The following SNAP47 variants were observed in gnomAD, a reference collection of about 807,000 sequenced individuals.
The protein encoded by SNAP47 is synaptosome associated protein 47.
Under a neutral mutation model 31.4 loss-of-function variants are expected in SNAP47, and 20 were observed. The observed-to-expected ratio is 0.64, with a 90% CI of 0.45 to 0.93. The LOEUF is 0.93. Ranked by LOEUF, SNAP47 falls within the 40% of genes least tolerant of loss-of-function variation. The pLI is 0.00. For synonymous variants in SNAP47, 194 were observed against 213.4 expected (o/e 0.91, Z 0.79); for missense variants, 492 against 528.5 (o/e 0.93, Z 0.68).
intron 1 of SNAP47, chr1:227,736,291 G>A (rs41270167): frequency 0.084 from 12,769 of 152,326 alleles, 648 homozygotes; most frequent in Middle Eastern, 0.21. Flanking sequence ...TGAAGGTGTG[G>A]TGGGAGTGTG....
chr1:227,747,237 A>C (rs1662023386), intron 1 of SNAP47: 2 of 156,226 alleles, frequency 1.3e-5, no homozygotes, highest in African/African-American at 2.4e-5. Context: ...TCTAGAGGGA[A>C]CATTATGGCC....
At chr1:227,735,983 A>G (rs1366520072) in intron 1 of SNAP47, among the ~76,000 whole-genome samples, 1 of 148,916 alleles carries the variant, frequency 6.7e-6, no homozygotes, top group Non-Finnish European at 1.5e-5. Flanking sequence ...GGACGGTGGC[A>G]CTTGGAGGAG....
At chr1:227,755,864 C>T (rs1383928712) in intron 2 of SNAP47, among the ~76,000 whole-genome samples, 3 of 144,526 alleles carry the variant, frequency 2.1e-5, no homozygotes, top group Non-Finnish European at 4.6e-5. Flanking sequence ...GGAGGAGAAC[C>T]TGGGCCACTG....
chr1:227,734,741 C>CT (rs773608082), upstream of SNAP47: 1 of 1,614,200 alleles, frequency 6.2e-7, no homozygotes, highest in East Asian at 2.2e-5. Context: ...GATGTAGTCT[C>CT]TGAGAGTCAT....
intron 1 of SNAP47, chr1:227,735,844 TGGAGACGGGATCTGGAGGGGAC>T (rs1364776346): frequency 2.0e-6 from 1 of 508,812 alleles, no homozygotes; most frequent in Non-Finnish European, 2.5e-6. Flanking sequence ...TTGGAGGGGA[TGGAGACGGGATCTGGAGGGGAC>T]GGTGGGACCT....
At chr1:227,732,169 C>A (rs1396378350), upstream of SNAP47, 3 of 600,482 alleles carry the variant, frequency 5.0e-6, no homozygotes, top group Non-Finnish European at 3.0e-6. Flanking sequence ...GAGCTCCCAG[C>A]AGGCCTGCTG....
intron 4 of SNAP47, chr1:227,768,353 C>T: frequency 3.0e-6 from 3 of 985,358 alleles, no homozygotes; most frequent in Non-Finnish European, 3.6e-6. Context: ...CCCTGAGCCT[C>T]TGAGTCGGCA....
chr1:227,766,369 G>T (rs1663402510), intron 3 of SNAP47, among the ~76,000 whole-genome samples: 1 of 152,260 alleles, frequency 6.6e-6, no homozygotes, highest in African/African-American at 2.4e-5. Context: ...GGTGGCCTCT[G>T]CAGGAGGCAC....
In SNAP47 at chr1:227,747,832, G is replaced by T. The variant is rs749376866; in HGVS notation, c.96G>T (p.Leu32=). ...CTGGACAGCTGTCCTTAACATCGCT[G>T]TCGCTCAGGTTCATGACTGACAGCA... ...WVTGQLSLTS[L]SLRFMTDSTG... The change falls in exon 2 of 5, where the codon CTG becomes CTT. Residue 32 remains leucine, a synonymous_variant. Transcript: ENST00000617596. 6.2e-7 allele frequency: 1 copy of T among 1,614,162 alleles called. No homozygotes were observed. Among genetic ancestry groups the T allele is most frequent in the Non-Finnish European group, 8.5e-7 (1 of 1,180,042 alleles).
intron 4 of SNAP47, chr1:227,770,827 G>A (rs1470961806): frequency 1.3e-5 from 2 of 152,434 alleles, no homozygotes; most frequent in Admixed American, 6.5e-5. Context: ...CGACCATGTC[G>A]GGGCCAACAG....
intron 4 of SNAP47, among the ~76,000 whole-genome samples, chr1:227,778,964 G>A (rs1664307930): frequency 6.6e-6 from 1 of 152,218 alleles, no homozygotes; most frequent in South Asian, 2.1e-4. Flanking sequence ...GGAAGGCCAG[G>A]TTTGGAAAGG....
chr1:227,751,177 C>T (rs1662323809), intron 2 of SNAP47, among the ~76,000 whole-genome samples: 1 of 152,184 alleles, frequency 6.6e-6, no homozygotes, highest in Admixed American at 6.5e-5. Context: ...TGAAGAAGAG[C>T]CCGCCCTGTG....
chr1:227,744,226 G>A (rs1251184644), intron 1 of SNAP47: 5 of 151,730 alleles, frequency 3.3e-5, no homozygotes, highest in East Asian at 3.9e-4. Flanking sequence ...TTGAATCCAC[G>A]GATGTGGAGC....
rs1661574420 is a variant in SNAP47 at position 227,741,197 on chromosome 1, GT to G, written c.-46+5701del. ...GTGAGGGAGTCTGGCTGGAGTGGGTGTTTGGGAGGCAACGGCTTGGGGGTGA... is the reference window on the plus strand; with the variant it reads ...GTGAGGGAGTCTGGCTGGAGTGGGTGTTGGGAGGCAACGGCTTGGGGGTGA... On this transcript the variant is annotated intron_variant, in intron 1 of 4. Transcript: ENST00000617596. The surrounding 1 kb of genome is among the most constrained non-coding windows in gnomAD (Gnocchi z 4.2). 6.6e-6 allele frequency among the ~76,000 whole-genome samples: 1 copy of G among 152,152 alleles called. No homozygotes were observed. The highest frequency in any genetic ancestry group is 1.5e-5 in the Non-Finnish European group (1 of 68,030).
intron 3 of SNAP47, among the ~76,000 whole-genome samples, chr1:227,765,623 GA>G (rs1663344029): frequency 6.6e-6 from 1 of 152,224 alleles, no homozygotes; most frequent in South Asian, 2.1e-4. Context: ...GTTGTAACCA[GA>G]GTTTGTTTCT....
chr1:227,766,523 G>A lies in SNAP47; in HGVS notation c.989-436G>A, dbSNP rs1375340182. 3.3e-5 allele frequency among the ~76,000 whole-genome samples: 5 copies of A among 152,238 alleles called. No homozygotes were observed. The South Asian group carries it at 8.3e-4, about 25-fold the overall frequency. ...CACCTCCCACCTCGGTGGCGCAGAC[G>A]TGTGGCAGTGCTTGGCCTGGGCTGT... is the stretch of plus-strand genomic sequence containing the variant. On this transcript the variant is annotated intron_variant, in intron 3 of 4. Coordinates refer to ENST00000617596, the MANE Select transcript of SNAP47 (RefSeq NM_053052.4).
At chr1:227,747,203 G>A (rs986633363) in intron 1 of SNAP47, 1 of 155,044 alleles carries the variant, frequency 6.4e-6, no homozygotes, top group African/African-American at 2.4e-5. Flanking sequence ...TTGATGAATG[G>A]AAGTTTCCAA....
chr1:227,746,962 G>A (rs778079832), intron 1 of SNAP47: 4 of 152,358 alleles, frequency 2.6e-5, no homozygotes, highest in Non-Finnish European at 5.9e-5. Context: ...CATGTTCCAT[G>A]AGGATTCGTT....
rs116614060 is a variant in SNAP47, at chr1:227,766,295, G to A, written c.989-664G>A. ...GTGCTGCAGAAGAGCAAACAACATT[G>A]CGCCCTTATCTGGGCCCCGGGGTGT... On this transcript the variant is annotated intron_variant, in intron 3 of 4. Transcript: ENST00000617596. Among the ~76,000 whole-genome samples the A allele has an allele frequency of 5.1e-3, 780 of 152,306 alleles. 6 individuals carry two copies. The highest frequency in any genetic ancestry group is 0.018 in the African/African-American group (743 of 41,560).
Sources: allele counts gnomAD v4.1 joint callset (sites outside exome capture counted in the v4.1 genomes callset), GRCh38; gene constraint gnomAD v4.1.1; non-coding constraint Gnocchi (gnomAD v3.1); transcripts MANE v1.5; gene names NCBI Gene and HGNC (gene_info 2026-07-23, HGNC 2026-07-21).